DCHS2: variants seen among roughly 807,000 people sequenced by gnomAD.
DCHS2 encodes the protein protocadherin-23.
A neutral mutation model predicts 182.4 loss-of-function variants in DCHS2; 142 were observed. The ratio of observed to expected loss-of-function variants is 0.78; its 90% CI spans 0.68 to 0.89. DCHS2 has a LOEUF of 0.89. Ranked by LOEUF, DCHS2 falls within the 40% of genes least tolerant of loss-of-function variation. The pLI is 0.00. For missense variants in DCHS2, 4,319 were observed against 4,198.6 expected (o/e 1.03, Z -0.79); for synonymous variants, 1,740 against 1,663.3 (o/e 1.05, Z -1.12).
chr4:154,279,795 C>T (rs1734040900), intron 13 of DCHS2, among the ~76,000 whole-genome samples: 1 of 151,706 alleles, frequency 6.6e-6, no homozygotes, highest in African/African-American at 2.4e-5. Context: ...CTCAAATTAA[C>T]AATCTAACAT....
intron 1 of DCHS2, among the ~76,000 whole-genome samples, chr4:154,478,935 G>A (rs1342805581): frequency 1.3e-5 from 2 of 151,852 alleles, no homozygotes; most frequent in Non-Finnish European, 2.9e-5. Context: ...CGGAATACAA[G>A]GAAAAAGTAT....
At chr4:154,427,377 C>T (rs755211359) in intron 1 of DCHS2, among the ~76,000 whole-genome samples, 10 of 152,310 alleles carry the variant, frequency 6.6e-5, no homozygotes, top group South Asian at 2.1e-4. Context: ...AGGCAAACGC[C>T]GAGCTCTGAC....
intron 1 of DCHS2, among the ~76,000 whole-genome samples, chr4:154,445,038 G>A (rs1734219604): frequency 6.6e-6 from 1 of 152,162 alleles, no homozygotes; most frequent in Non-Finnish European, 1.5e-5. Context: ...TCTTTAGACA[G>A]GCCTTCCTGA....
intron 13 of DCHS2, among the ~76,000 whole-genome samples, chr4:154,273,176 G>A (rs1351610413): frequency 6.6e-6 from 1 of 151,976 alleles, no homozygotes; most frequent in African/African-American, 2.4e-5. Flanking sequence ...ATTCACAATT[G>A]CAAAAATATG....
chr4:154,266,903 C>T (rs980221650), intron 14 of DCHS2, among the ~76,000 whole-genome samples: 1 of 152,114 alleles, frequency 6.6e-6, no homozygotes, highest in African/African-American at 2.4e-5. Context: ...AAATTTCTTC[C>T]TCATTTATTA....
intron 1 of DCHS2, among the ~76,000 whole-genome samples, chr4:154,406,938 A>G (rs1732425066): frequency 6.6e-6 from 1 of 152,242 alleles, no homozygotes; most frequent in Non-Finnish European, 1.5e-5. Context: ...CTCACAAAAG[A>G]AAAAAGATGC....
intron 13 of DCHS2, among the ~76,000 whole-genome samples, chr4:154,287,684 G>A (rs1430217530): frequency 6.6e-6 from 1 of 151,980 alleles, no homozygotes; most frequent in Non-Finnish European, 1.5e-5. Flanking sequence ...GTTTCATCAT[G>A]TTGGCCAGGC....
At chr4:154,240,444 A>G (rs1731753784) in intron 18 of DCHS2, 93 bp downstream of exon 18, 26 of 1,444,416 alleles carry the variant, frequency 1.8e-5, no homozygotes, top group Middle Eastern at 3.6e-4. Context: ...AATGCTGTCT[A>G]TCTGAATTAG....
intron 1 of DCHS2, among the ~76,000 whole-genome samples, chr4:154,425,668 C>T (rs113432391): frequency 0.025 from 3,777 of 152,312 alleles, 65 homozygotes; most frequent in Non-Finnish European, 0.037. Context: ...CTCCACTTAA[C>T]TAAGGCAAAA....
At chr4:154,281,727 T>A (rs1345181116) in intron 13 of DCHS2, among the ~76,000 whole-genome samples, 2 of 152,060 alleles carry the variant, frequency 1.3e-5, no homozygotes, top group African/African-American at 4.8e-5. Flanking sequence ...GTCAAAATAA[T>A]CTTGAGAAAG....
rs766446544 is a variant in DCHS2, at chr4:154,377,401, T to C, written c.2096A>G (p.Glu699Gly). 2 of 1,613,404 alleles carry C rather than the reference T, an allele frequency of 1.2e-6. No homozygotes were observed. The highest frequency in any genetic ancestry group is 1.7e-6 in the Non-Finnish European group (2 of 1,179,602). ...CAGGAATCCATCATAAAGAGAATAT[T>C]CAATAAAGCCATAGAGTCCTGAATC... ...DADSGLYGFI[E>G]YSLYDGFLSY... The change falls in exon 2 of 20, where the codon GAA (glutamate) becomes GGA (glycine). Residue 699 changes from glutamate (E) to glycine (G), a missense_variant. Glu to Gly is a moderately conservative substitution (Grantham distance 98). Coordinates refer to ENST00000357232, the MANE Select transcript of DCHS2 (RefSeq NM_001358235.2).
chr4:154,241,969 C>A (rs1014016503), intron 17 of DCHS2, among the ~76,000 whole-genome samples: 1 of 152,026 alleles, frequency 6.6e-6, no homozygotes, highest in Admixed American at 6.6e-5. Flanking sequence ...TGTCGTATTA[C>A]GAGTGAAGTA....
In DCHS2 at chr4:154,236,869, G is replaced by T. The variant is rs781405032; in HGVS notation, c.7783C>A (p.Gln2595Lys). ...TTAGTTTCCACATGAAAATTGTTCT[G>T]TGAATTACCACTGATGATGGAATAT... is the stretch of plus-strand genomic sequence containing the variant. ...VEYSIISGNS[Q>K]NNFHVETKFF... is the part of the protein sequence containing the mutation. Residue 2595 changes from glutamine (Q) to lysine (K), a missense_variant, in exon 20 of 20, where the codon CAG becomes AAG. Physicochemically the swap from Gln to Lys is moderately conservative, Grantham distance 53. Coordinates refer to ENST00000357232, the MANE Select transcript of DCHS2 (RefSeq NM_001358235.2). 1 of 1,613,912 alleles carries T rather than the reference G, an allele frequency of 6.2e-7. No individual in the cohort carries two copies. Among genetic ancestry groups the T allele is most frequent in the Non-Finnish European group, 8.5e-7 (1 of 1,179,952 alleles).
At chr4:154,468,107 A>G (rs1256990025) in intron 1 of DCHS2, among the ~76,000 whole-genome samples, 2 of 152,154 alleles carry the variant, frequency 1.3e-5, no homozygotes, top group African/African-American at 4.8e-5. Context: ...GTTGTTTCAT[A>G]TACAAAAGGA....
At chr4:154,295,961 C>T (rs1734908610) in intron 13 of DCHS2, among the ~76,000 whole-genome samples, 2 of 152,150 alleles carry the variant, frequency 1.3e-5, no homozygotes, top group South Asian at 2.1e-4. Flanking sequence ...ATAGTAAATA[C>T]ATTTTACTAG....
At chr4:154,392,502 G>A (rs1031174871) in intron 1 of DCHS2, among the ~76,000 whole-genome samples, 9 of 152,200 alleles carry the variant, frequency 5.9e-5, no homozygotes, top group Non-Finnish European at 1.2e-4. Context: ...TAAGGGCTGT[G>A]ATTTCCAATA....
chr4:154,297,018 C>A (rs189840443), intron 13 of DCHS2, among the ~76,000 whole-genome samples: 1 of 152,104 alleles, frequency 6.6e-6, no homozygotes, highest in Non-Finnish European at 1.5e-5. Flanking sequence ...AATGAACAAA[C>A]GAGGAAAAAT....
chr4:154,452,282 G>A (rs1734565485), intron 1 of DCHS2, among the ~76,000 whole-genome samples: 1 of 152,018 alleles, frequency 6.6e-6, no homozygotes, highest in African/African-American at 2.4e-5. Flanking sequence ...ATATTCATTT[G>A]TCAATCTAAT....
chr4:154,259,441 G>C, intron 15 of DCHS2, 104 bp downstream of exon 15: 1 of 1,514,258 alleles, frequency 6.6e-7, no homozygotes, highest in Non-Finnish European at 8.8e-7. Flanking sequence ...ACAGGGATTA[G>C]AAATTTTTAT....
Sources: gnomAD v4.1 joint callset for allele counts (sites outside exome capture counted in the v4.1 genomes callset) on GRCh38, gnomAD v4.1.1 for gene constraint, MANE v1.5 for transcripts, NCBI Gene and HGNC (gene_info 2026-07-23, HGNC 2026-07-21) for gene names.